Variants in CEACAM16 observed in about 807,000 individuals in gnomAD.
CEACAM16 encodes CEA cell adhesion molecule 16, tectorial membrane component, also known as cell adhesion molecule CEACAM16.
A neutral mutation model predicts 39.4 loss-of-function variants in CEACAM16; 30 were observed. The observed-to-expected ratio is 0.76, with a 90% CI of 0.57 to 1.03. CEACAM16 has a LOEUF of 1.03. Among genes scored for constraint, CEACAM16 ranks in the 50% least tolerant of loss-of-function variants. The pLI is 0.00. For missense variants in CEACAM16, 521 were observed against 585.3 expected (o/e 0.89, Z 1.13); for synonymous variants, 262 against 264.9 (o/e 0.99, Z 0.11).
chr19:44,708,269 G>T (rs1032378629), intron 6 of CEACAM16, 82 bp downstream of exon 6: 2 of 1,345,062 alleles, frequency 1.5e-6, no homozygotes, highest in African/African-American at 1.5e-5. Context: ...CCATCAGGCT[G>T]GGGGGACATA....
In CEACAM16 at chr19:44,701,354, C is replaced by G. The variant is rs2122186870; in HGVS notation, c.-96-7C>G. On this transcript the variant is annotated splice_polypyrimidine_tract_variant and splice_region_variant and intron_variant, in intron 1 of 6. Coordinates refer to ENST00000587331, the MANE Select transcript of CEACAM16 (RefSeq NM_001039213.4). This position sits in a 1 kb window ranked among gnomAD's most constrained non-coding sequence, Gnocchi z 4.0. Reference sequence around the variant, plus strand: ...TCCCCTGGCTCCAAATCACCAAACCCTCCCAGGTCCTGCGGCAGACGGAGC... The same window carrying G: ...TCCCCTGGCTCCAAATCACCAAACCGTCCCAGGTCCTGCGGCAGACGGAGC... The G allele has an allele frequency of 7.8e-7, 1 of 1,279,574 alleles. No individual in the cohort carries two copies. The highest frequency in any genetic ancestry group is 2.0e-5 in the Admixed American group (1 of 50,658). The allele number at this position is 1,279,574 out of a possible 1,614,324, so 79.3% of individuals were successfully genotyped here. A position where few individuals can be genotyped will look rare whatever the true frequency, so the allele number is the denominator to read the frequency against.
chr19:44,703,902 C>A (rs192922176), intron 3 of CEACAM16, 116 bp from the exon 4 acceptor site: 13 of 1,254,840 alleles, frequency 1.0e-5, no homozygotes, highest in Non-Finnish European at 1.4e-5. Context: ...TTTGTCCCTC[C>A]GGCTGAGGGT....
Position 44,704,102 on chromosome 19 carries a change from C to T in CEACAM16, c.467C>T (p.Pro156Leu), listed in dbSNP as rs751587255. Residue 156 changes from proline (P) to leucine (L), a missense_variant, in exon 4 of 7, where the codon CCC becomes CTC. By Grantham distance (98) the Pro-to-Leu change is moderately conservative. Transcript: ENST00000587331. ...RDTLRLMCSS[P>L]SPTAEVRWFF... ...ACCCTGCGCCTTATGTGCAGCAGCC[C>T]CAGCCCCACCGCCGAGGTCCGCTGG... 5 of 1,603,756 alleles carry T rather than the reference C, an allele frequency of 3.1e-6. No individual in the cohort carries two copies. Among genetic ancestry groups the T allele is most frequent in the Non-Finnish European group, 4.3e-6 (5 of 1,176,450 alleles).
At chr19:44,699,857 G>C (rs369899485) in intron 1 of CEACAM16, among the ~76,000 whole-genome samples, 1 of 152,068 alleles carries the variant, frequency 6.6e-6, no homozygotes. Flanking sequence ...ATGGAGTCTT[G>C]CTCTGTCACC....
rs1399795935 is a variant in CEACAM16, at chr19:44,707,952, C to A, written c.1032C>A (p.Asp344Glu). The A allele has an allele frequency of 1.7e-5, 27 of 1,602,148 alleles. No homozygotes were observed. Among genetic ancestry groups the A allele is most frequent in the Non-Finnish European group, 2.3e-5 (27 of 1,173,378 alleles). ...TGACCGTGCAGGGCTACCCCAAGGA[C>A]CTGCTGGTCTACGCCTGGTACCGCG... ...VTLTVQGYPK[D>E]LLVYAWYRGP... Residue 344 changes from aspartate to glutamate, a missense_variant, in exon 6 of 7, where the codon GAC (aspartate) becomes GAA (glutamate). Physicochemically the swap from Asp to Glu is conservative, Grantham distance 45. Transcript: ENST00000587331.
intron 1 of CEACAM16, 65 bp downstream of exon 1, chr19:44,699,325 A>G (rs761400765): frequency 1.9e-6 from 1 of 530,362 alleles, no homozygotes; most frequent in South Asian, 1.4e-5. Flanking sequence ...TGTGAGTACT[A>G]TTGTTTTCCC....
intron 6 of CEACAM16, among the ~76,000 whole-genome samples, chr19:44,709,064 T>C (rs1053680823): frequency 2.0e-5 from 3 of 151,788 alleles, no homozygotes; most frequent in African/African-American, 7.3e-5. Flanking sequence ...CCAGGTCTCC[T>C]CCATCAGACT....
rs774975434 is a variant in CEACAM16 at position 44,703,978 on chromosome 19, G to A, written c.383-40G>A. The A allele has an allele frequency of 5.2e-6, 8 of 1,540,270 alleles. No homozygotes were observed. In the Admixed American group the frequency reaches 1.1e-4, roughly 21 times the overall value. On this transcript the variant is annotated intron_variant, in intron 3 of 6. Coordinates refer to ENST00000587331, the MANE Select transcript of CEACAM16 (RefSeq NM_001039213.4). ...GGAAGGGAAGGCCCTCAGAGCAGGTGGTGTCCGGCCCCCTCCCCCTCTGTC... is the reference window on the plus strand; with the variant it reads ...GGAAGGGAAGGCCCTCAGAGCAGGTAGTGTCCGGCCCCCTCCCCCTCTGTC...
At chr19:44,705,983 A>G in intron 5 of CEACAM16, 115 bp downstream of exon 5, 1 of 1,252,336 alleles carries the variant, frequency 8.0e-7, no homozygotes, top group Non-Finnish European at 1.1e-6. Flanking sequence ...TTCACAGTTC[A>G]TTCATGAGCT....
At chr19:44,704,425 C>A in intron 4 of CEACAM16, 129 bp downstream of exon 4, 1 of 1,237,652 alleles carries the variant, frequency 8.1e-7, no homozygotes, top group Non-Finnish European at 1.1e-6. Flanking sequence ...GGACCAGGGA[C>A]CCCTCTTAAA....
Position 44,704,165 on chromosome 19 carries a change from T to C in CEACAM16, c.530T>C (p.Leu177Pro). 1 of 1,585,246 alleles carries C rather than the reference T, an allele frequency of 6.3e-7. No homozygotes were observed. The highest frequency in any genetic ancestry group is 1.1e-5 in the South Asian group (1 of 86,980). ...GGGGCCCTGCCCGTCGCTCTCCGCC[T>C]GGGCCTGTCCCCTGACGGCCGGGTG... Reference protein sequence around the residue: ...NGGALPVALRLGLSPDGRVLA... With the variant: ...NGGALPVALRPGLSPDGRVLA... Residue 177 changes from leucine (L) to proline (P), a missense_variant, in exon 4 of 7, where the codon CTG (leucine) becomes CCG (proline). Coordinates refer to ENST00000587331, the MANE Select transcript of CEACAM16 (RefSeq NM_001039213.4).
At position 44,699,576 on chromosome 19, in the gene CEACAM16, C is replaced by T. The variant is rs1443655038; in HGVS notation, c.-97+316C>T. On this transcript the variant is annotated intron_variant, in intron 1 of 6. Transcript: ENST00000587331. The stretch of plus-strand genomic sequence containing the variant: ...ATTTTTAGTAGAGACAGGGTTTCAC[C>T]ATGCTGGCCAGGCTGGTCTTGAACT... 7 of 371,646 alleles carry T rather than the reference C, an allele frequency of 1.9e-5. No homozygotes were observed. In the East Asian group the frequency reaches 5.0e-4, roughly 27 times the overall value. 23.0% of individuals were successfully genotyped at this position (371,646 alleles called of 1,614,324 possible). A position where few individuals can be genotyped will look rare whatever the true frequency, so the allele number is the denominator to read the frequency against.
intron 1 of CEACAM16, 171 bp downstream of exon 1, chr19:44,699,431 C>CTTT: frequency 2.5e-6 from 1 of 404,284 alleles, no homozygotes; most frequent in Non-Finnish European, 5.1e-6. Flanking sequence ...AGAGCCTATA[C>CTTT]TTTTTTTTTT....
At chr19:44,702,739 T>C (rs1974368186) in intron 2 of CEACAM16, among the ~76,000 whole-genome samples, 3 of 152,252 alleles carry the variant, frequency 2.0e-5, no homozygotes, top group Non-Finnish European at 2.9e-5. Context: ...CCTGACATCC[T>C]ACGTGGGGCC....
chr19:44,710,043 C>T (rs1237901069), intron 6 of CEACAM16, among the ~76,000 whole-genome samples: 2 of 152,220 alleles, frequency 1.3e-5, no homozygotes, highest in Non-Finnish European at 2.9e-5. Context: ...TGAGATCATT[C>T]CCCAAGTCTG....
In CEACAM16 at chr19:44,701,332, C is replaced by T; in HGVS notation, c.-96-29C>T. On this transcript the variant is annotated intron_variant, in intron 1 of 6. Coordinates refer to ENST00000587331, the MANE Select transcript of CEACAM16 (RefSeq NM_001039213.4). This position sits in a 1 kb window ranked among gnomAD's most constrained non-coding sequence, Gnocchi z 4.0. ...ATCCCTCCAAATTCAGGTGATCTCC[C>T]CTGGCTCCAAATCACCAAACCCTCC... 9.6e-7 allele frequency: 1 copy of T among 1,043,736 alleles called. No individual in the cohort carries two copies. 64.7% of individuals were successfully genotyped at this position (1,043,736 alleles called of 1,614,324 possible). A position where few individuals can be genotyped will look rare whatever the true frequency, so the allele number is the denominator to read the frequency against.
intron 4 of CEACAM16, 68 bp from the exon 5 acceptor site, chr19:44,705,518 GAAAA>G: frequency 6.7e-7 from 1 of 1,486,252 alleles, no homozygotes; most frequent in Non-Finnish European, 9.0e-7. Context: ...TTGGTGGAGA[GAAAA>G]CCAGGGGTAC....
chr19:44,704,909 G>C (rs774697793), intron 4 of CEACAM16, among the ~76,000 whole-genome samples: 39 of 152,286 alleles, frequency 2.6e-4, no homozygotes, highest in Non-Finnish European at 4.0e-4. Context: ...GAGCAGGGGA[G>C]GGAATAGTGT....
At chr19:44,705,930 G>A (rs1363719320) in intron 5 of CEACAM16, 62 bp downstream of exon 5, 2 of 1,541,486 alleles carry the variant, frequency 1.3e-6, no homozygotes, top group Non-Finnish European at 1.8e-6. Context: ...GGCTGCGAAG[G>A]TTAAGCCACC....
Sources: gnomAD v4.1 joint callset for allele counts (sites outside exome capture counted in the v4.1 genomes callset) on GRCh38, gnomAD v4.1.1 for gene constraint, Gnocchi (gnomAD v3.1) non-coding constraint, MANE v1.5 for transcripts, NCBI Gene and HGNC (gene_info 2026-07-23, HGNC 2026-07-21) for gene names.